RTN1: variants seen among roughly 807,000 people sequenced by gnomAD.
RTN1 encodes the protein reticulon 1.
RTN1 carries 25 observed loss-of-function variants against 65.5 expected under a neutral mutation model. The ratio of observed to expected loss-of-function variants is 0.38; its 90% CI spans 0.28 to 0.53. The LOEUF (loss-of-function observed/expected upper bound fraction) is 0.53. Among genes scored for constraint, RTN1 ranks in the 20% least tolerant of loss-of-function variants. The pLI is 0.79. For missense variants in RTN1, 983 were observed against 1,025.4 expected (o/e 0.96, Z 0.57); for synonymous variants, 471 against 447.6 (o/e 1.05, Z -0.66).
rs1261776455 is a variant in RTN1 at position 59,794,968 on chromosome 14, A to G, written c.242-48487T>C. Among the ~76,000 whole-genome samples, 1 of 152,202 alleles carries G rather than the reference A, an allele frequency of 6.6e-6. No individual in the cohort carries two copies. The highest frequency in any genetic ancestry group is 1.5e-5 in the Non-Finnish European group (1 of 68,032). The stretch of plus-strand genomic sequence containing the variant: ...AGCTTATGTACCTTGAACTTTACAC[A>G]GATTGTTTGATTTGGGTGCAATAAT... On this transcript the variant is annotated intron_variant, in intron 1 of 8. Transcript: ENST00000267484. The surrounding 1 kb of genome is among the most constrained non-coding windows in gnomAD (Gnocchi z 5.1).
intron 3 of RTN1, among the ~76,000 whole-genome samples, chr14:59,627,826 T>G (rs1014539562): frequency 6.6e-6 from 1 of 152,196 alleles, no homozygotes; most frequent in African/African-American, 2.4e-5. Flanking sequence ...AATTTCTCCA[T>G]GTAGTATTTA....
chr14:59,610,124 G>C, intron 3 of RTN1: 4 of 777,228 alleles, frequency 5.1e-6, no homozygotes, highest in Non-Finnish European at 9.6e-6. Flanking sequence ...CTTTATACCT[G>C]GTAGAAATGG....
At position 59,648,459 on chromosome 14, in the gene RTN1, G is replaced by C. The variant is rs111425527; in HGVS notation, c.1766-40967C>G. Among the ~76,000 whole-genome samples, 249 of 152,252 alleles carry C rather than the reference G, an allele frequency of 1.6e-3. 2 individuals carry two copies. The highest frequency in any genetic ancestry group is 5.7e-3 in the African/African-American group (235 of 41,544). ...AATTCTGTGAGGCCAGCATCATCCT[G>C]AAACCAAAACCTGGCAGAGACACAA... On this transcript the variant is annotated intron_variant, in intron 3 of 8. Coordinates refer to ENST00000267484, the MANE Select transcript of RTN1 (RefSeq NM_021136.3).
At chr14:59,749,393 TC>T (rs1885344932) in intron 1 of RTN1, among the ~76,000 whole-genome samples, 1 of 65,640 alleles carries the variant, frequency 1.5e-5, no homozygotes, top group African/African-American at 1.0e-4. Context: ...TCTATATATA[TC>T]TATATATATC....
intron 3 of RTN1, among the ~76,000 whole-genome samples, chr14:59,676,857 C>T (rs180776120): frequency 8.9e-4 from 135 of 152,156 alleles, no homozygotes; most frequent in Non-Finnish European, 1.3e-3. Flanking sequence ...CAGAAATAAC[C>T]GCAGCATTGA....
chr14:59,662,915 A>T (rs371512143), intron 3 of RTN1, among the ~76,000 whole-genome samples: 1 of 152,214 alleles, frequency 6.6e-6, no homozygotes, highest in East Asian at 1.9e-4. Flanking sequence ...AGAAAAAACT[A>T]CTTTAAAGTT....
intron 3 of RTN1, among the ~76,000 whole-genome samples, chr14:59,687,953 C>A (rs1313841168): frequency 6.6e-6 from 1 of 152,074 alleles, no homozygotes; most frequent in Non-Finnish European, 1.5e-5. Context: ...GGATTGGCAG[C>A]CTGAACCACC....
chr14:59,787,278 G>A (rs1427801186), intron 1 of RTN1, among the ~76,000 whole-genome samples: 4 of 152,238 alleles, frequency 2.6e-5, no homozygotes, highest in Admixed American at 2.0e-4. Context: ...TGCGGTGGGG[G>A]CTCACTAGGG....
intron 1 of RTN1, among the ~76,000 whole-genome samples, chr14:59,747,766 T>C (rs1400296718): frequency 6.6e-6 from 1 of 152,138 alleles, no homozygotes; most frequent in African/African-American, 2.4e-5. Context: ...TTTTTACAAT[T>C]GTACAAATTA....
chr14:59,625,921 G>A (rs1882384323), intron 3 of RTN1, among the ~76,000 whole-genome samples: 1 of 151,906 alleles, frequency 6.6e-6, no homozygotes, highest in South Asian at 2.1e-4. Context: ...TTTCACTAAG[G>A]GGGAAAAAAA....
rs561666090 is a variant in RTN1, at chr14:59,828,704, C to A, written c.241+41686G>T. Among the ~76,000 whole-genome samples the A allele has an allele frequency of 2.0e-5, 3 of 152,296 alleles. No individual in the cohort carries two copies. The East Asian group carries it at 5.8e-4, about 29-fold the overall frequency. ...CATAAAACACCTGGCCACAGGGGAA[C>A]ATGCACTGCTGACTTCAACTTCAAT... On this transcript the variant is annotated intron_variant, in intron 1 of 8. Coordinates refer to ENST00000267484, the MANE Select transcript of RTN1 (RefSeq NM_021136.3).
chr14:59,824,583 A>C (rs1886998500), intron 1 of RTN1, among the ~76,000 whole-genome samples: 1 of 152,230 alleles, frequency 6.6e-6, no homozygotes, highest in African/African-American at 2.4e-5. Context: ...GATTTACAGG[A>C]AAATACTCCC....
intron 1 of RTN1, among the ~76,000 whole-genome samples, chr14:59,793,070 C>A (rs555956688): frequency 6.6e-6 from 1 of 152,136 alleles, no homozygotes; most frequent in Admixed American, 6.6e-5. Flanking sequence ...TACTCGGGCC[C>A]CAAGGTCAAA....
At chr14:59,820,646 T>C (rs1183949431) in intron 1 of RTN1, among the ~76,000 whole-genome samples, 4 of 152,174 alleles carry the variant, frequency 2.6e-5, no homozygotes, top group African/African-American at 9.7e-5. Flanking sequence ...CCCAGCACCA[T>C]TTATTGAATA....
rs550525794 is a variant in RTN1 at position 59,790,744 on chromosome 14, T to C, written c.242-44263A>G. ...TTTTTTCTTTTTCATTTGTTCTATTTCCTACCCCAGATATACTGATTTTTC... is the reference window on the plus strand; with the variant it reads ...TTTTTTCTTTTTCATTTGTTCTATTCCCTACCCCAGATATACTGATTTTTC... On this transcript the variant is annotated intron_variant, in intron 1 of 8. Coordinates refer to ENST00000267484, the MANE Select transcript of RTN1 (RefSeq NM_021136.3). This position sits in a 1 kb window ranked among gnomAD's most constrained non-coding sequence, Gnocchi z 4.1. Among the ~76,000 whole-genome samples, 1 of 152,262 alleles carries C rather than the reference T, an allele frequency of 6.6e-6. No individual in the cohort carries two copies. The highest frequency in any genetic ancestry group is 2.1e-4 in the South Asian group (1 of 4,832).
chr14:59,708,807 T>C (rs937445376), intron 3 of RTN1, among the ~76,000 whole-genome samples: 3 of 152,224 alleles, frequency 2.0e-5, no homozygotes, highest in Admixed American at 1.3e-4. Flanking sequence ...GAAACAGGGA[T>C]GCACTGAAGA....
intron 1 of RTN1, among the ~76,000 whole-genome samples, chr14:59,800,389 T>A (rs12435287): frequency 0.17 from 26,332 of 152,154 alleles, 2,796 homozygotes; most frequent in East Asian, 0.31. Flanking sequence ...AAATACATCT[T>A]TTTGTTGTTG....
intron 1 of RTN1, among the ~76,000 whole-genome samples, chr14:59,791,363 G>A (rs1400565824): frequency 6.6e-6 from 1 of 152,114 alleles, no homozygotes; most frequent in East Asian, 1.9e-4. Context: ...AGAATTTCAG[G>A]TTTCCTCCAG....
chr14:59,809,662 G>C lies in RTN1; in HGVS notation c.241+60728C>G, dbSNP rs924727905. On this transcript the variant is annotated intron_variant, in intron 1 of 8. Coordinates refer to ENST00000267484, the MANE Select transcript of RTN1 (RefSeq NM_021136.3). ...GAATTTAGCTTTAATGTATCCATTG[G>C]ACAGGAAATAAGAGAGTCCCAAAGG... is the stretch of plus-strand genomic sequence containing the variant. Among the ~76,000 whole-genome samples the C allele has an allele frequency of 1.2e-4, 18 of 152,188 alleles. 1 individual carries two copies. The highest frequency in any genetic ancestry group is 8.5e-4 in the Admixed American group (13 of 15,278).
Sources: gnomAD v4.1 joint callset for allele counts (sites outside exome capture counted in the v4.1 genomes callset) on GRCh38, gnomAD v4.1.1 for gene constraint, Gnocchi (gnomAD v3.1) non-coding constraint, MANE v1.5 for transcripts, NCBI Gene and HGNC (gene_info 2026-07-23, HGNC 2026-07-21) for gene names.